DPYD: variants seen among roughly 807,000 people sequenced by gnomAD.
DPYD encodes the protein dihydropyrimidine dehydrogenase.
DPYD carries 109 observed loss-of-function variants against 116.2 expected under a neutral mutation model. The observed-to-expected ratio is 0.94, with a 90% CI of 0.80 to 1.10. The LOEUF (loss-of-function observed/expected upper bound fraction) is 1.10. DPYD is among the 50% of genes least tolerant of loss of function. The pLI is 0.00. For synonymous variants in DPYD, 440 were observed against 432.0 expected (o/e 1.02, Z -0.23); for missense variants, 1,302 against 1,254.5 (o/e 1.04, Z -0.57).
chr1:97,380,484 CTCTACTGCTCCA>C (rs1671891690), intron 15 of DPYD, among the ~76,000 whole-genome samples: 1 of 152,214 alleles, frequency 6.6e-6, no homozygotes, highest in African/African-American at 2.4e-5. Context: ...CATTCTAAGG[CTCTACTGCTCCA>C]TATGTGTCAT....
chr1:97,723,293 A>C (rs534297398), intron 4 of DPYD, among the ~76,000 whole-genome samples: 34 of 151,742 alleles, frequency 2.2e-4, no homozygotes, highest in African/African-American at 7.9e-4. Context: ...ACAAGCAATA[A>C]AACTGAAATA....
At chr1:97,545,104 T>C (rs889227793) in intron 12 of DPYD, among the ~76,000 whole-genome samples, 3 of 152,288 alleles carry the variant, frequency 2.0e-5, no homozygotes, top group African/African-American at 4.8e-5. Context: ...ACCAGTTATA[T>C]AGAAAAGAGA....
At chr1:97,757,094 A>C (rs540536787) in intron 3 of DPYD, among the ~76,000 whole-genome samples, 1 of 152,298 alleles carries the variant, frequency 6.6e-6, no homozygotes, top group South Asian at 2.1e-4. Flanking sequence ...AGGTCTCAAG[A>C]GGACATTCAT....
rs550356468 is a variant in DPYD, at chr1:97,722,597, A to C, written c.322-926T>G. 5.9e-5 allele frequency among the ~76,000 whole-genome samples: 9 copies of C among 151,636 alleles called. No individual in the cohort carries two copies. The South Asian group carries it at 1.9e-3, about 31-fold the overall frequency. ...TGATAGAATGCACTTAACAATATAAACATATTGCATTTATTTTTCCTTTGG... is the reference window on the plus strand; with the variant it reads ...TGATAGAATGCACTTAACAATATAACCATATTGCATTTATTTTTCCTTTGG... On this transcript the variant is annotated intron_variant, in intron 4 of 22. Transcript: ENST00000370192.
At chr1:97,622,132 C>G (rs1656666917) in intron 8 of DPYD, among the ~76,000 whole-genome samples, 1 of 151,994 alleles carries the variant, frequency 6.6e-6, no homozygotes, top group Admixed American at 6.6e-5. Flanking sequence ...GTGTGGCCTG[C>G]TCATAGTGGC....
intron 15 of DPYD, among the ~76,000 whole-genome samples, chr1:97,379,055 T>C (rs1671790870): frequency 6.6e-6 from 1 of 152,302 alleles, no homozygotes; most frequent in South Asian, 2.1e-4. Flanking sequence ...CTTCATTAAC[T>C]ATCTGGTCAA....
chr1:97,643,897 C>T (rs909772894), intron 8 of DPYD, among the ~76,000 whole-genome samples: 4 of 151,610 alleles, frequency 2.6e-5, no homozygotes, highest in Non-Finnish European at 4.4e-5. Context: ...AACACATGGA[C>T]GCAGGGAGGG....
intron 2 of DPYD, among the ~76,000 whole-genome samples, chr1:97,878,888 G>A (rs888146976): frequency 1.3e-5 from 2 of 151,894 alleles, no homozygotes; most frequent in African/African-American, 4.8e-5. Flanking sequence ...TGTGGCAAGT[G>A]GCACAGACAA....
intron 14 of DPYD, among the ~76,000 whole-genome samples, chr1:97,388,064 G>A (rs983425890): frequency 2.6e-5 from 4 of 152,098 alleles, no homozygotes; most frequent in Non-Finnish European, 4.4e-5. Context: ...TAATATCCAC[G>A]GAGATACAGA....
Position 97,288,868 on chromosome 1 carries a change from A to T in DPYD, c.2299+16391T>A, listed in dbSNP as rs557937809. Among the ~76,000 whole-genome samples, 244 of 152,200 alleles carry T rather than the reference A, an allele frequency of 1.6e-3. 1 individual carries two copies. The highest frequency in any genetic ancestry group is 5.4e-3 in the African/African-American group (223 of 41,510). The stretch of plus-strand genomic sequence containing the variant: ...CAACTGAAGGAAATAGAGACACAAA[A>T]AACCCTTCAAAAAATTAATGAATCC... On this transcript the variant is annotated intron_variant, in intron 18 of 22. Coordinates refer to ENST00000370192, the MANE Select transcript of DPYD (RefSeq NM_000110.4).
chr1:97,791,311 G>C (rs1667309379), intron 3 of DPYD, among the ~76,000 whole-genome samples: 1 of 152,060 alleles, frequency 6.6e-6, no homozygotes, highest in African/African-American at 2.4e-5. Context: ...GGAACACCCA[G>C]TCCCCCAGTT....
At chr1:97,610,865 T>C (rs1315849491) in intron 8 of DPYD, among the ~76,000 whole-genome samples, 1 of 152,024 alleles carries the variant, frequency 6.6e-6, no homozygotes, top group South Asian at 2.1e-4. Context: ...CATTGATACA[T>C]CTGGGGAGCT....
Position 97,151,706 on chromosome 1 carries a change from T to A in DPYD, c.2622+41363A>T, listed in dbSNP as rs573583248. ...TAAAAAAATAAAAAAATAAAAAAAT[T>A]AAAAAATGAAAGAAAAGAAGAGAAA... On this transcript the variant is annotated intron_variant, in intron 20 of 22. Coordinates refer to ENST00000370192, the MANE Select transcript of DPYD (RefSeq NM_000110.4). 1.1e-4 allele frequency among the ~76,000 whole-genome samples: 17 copies of A among 151,590 alleles called. No individual in the cohort carries two copies. In the East Asian group the frequency reaches 1.2e-3, roughly 10 times the overall value.
chr1:97,818,826 A>C (rs1322941818), intron 3 of DPYD, among the ~76,000 whole-genome samples: 1 of 151,986 alleles, frequency 6.6e-6, no homozygotes, highest in African/African-American at 2.4e-5. Flanking sequence ...CAAAATGTAC[A>C]TGAAACTAAT....
At chr1:97,358,683 C>T (rs1393830656) in intron 16 of DPYD, among the ~76,000 whole-genome samples, 1 of 152,096 alleles carries the variant, frequency 6.6e-6, no homozygotes, top group Non-Finnish European at 1.5e-5. Context: ...TGGAGTGGAG[C>T]TCCAGCAAAC....
chr1:97,443,854 A>G (rs1020253566), intron 14 of DPYD, among the ~76,000 whole-genome samples: 3 of 152,238 alleles, frequency 2.0e-5, no homozygotes, highest in African/African-American at 7.2e-5. Flanking sequence ...TTGCAGAGGT[A>G]GTCTTCGTGG....
At chr1:97,878,672 G>T (rs1450874919) in intron 2 of DPYD, among the ~76,000 whole-genome samples, 2 of 151,974 alleles carry the variant, frequency 1.3e-5, no homozygotes, top group African/African-American at 4.8e-5. Flanking sequence ...CAGAGACCTT[G>T]CCTCCCATCT....
intron 5 of DPYD, among the ~76,000 whole-genome samples, chr1:97,717,202 A>G (rs1662663042): frequency 6.6e-6 from 1 of 152,128 alleles, no homozygotes; most frequent in South Asian, 2.1e-4. Context: ...TATATTTCAA[A>G]GTATTTATTG....
intron 1 of DPYD, among the ~76,000 whole-genome samples, chr1:97,900,783 C>T (rs1449421026): frequency 6.6e-6 from 1 of 151,732 alleles, no homozygotes; most frequent in African/African-American, 2.4e-5. Context: ...ACACAACTCC[C>T]TCCCCAAAAT....
Sources: gnomAD v4.1 joint callset for allele counts (sites outside exome capture counted in the v4.1 genomes callset) on GRCh38, gnomAD v4.1.1 for gene constraint, MANE v1.5 for transcripts, NCBI Gene and HGNC (gene_info 2026-07-23, HGNC 2026-07-21) for gene names.